Variants in KIF26B observed in about 807,000 individuals in gnomAD.
The protein encoded by KIF26B is kinesin family member 26B.
Under a neutral mutation model 151.2 loss-of-function variants are expected in KIF26B, and 63 were observed. That is an observed-to-expected ratio of 0.42 (90% CI 0.34 to 0.51). The LOEUF (loss-of-function observed/expected upper bound fraction) is 0.51, where lower values mean the gene tolerates loss of function less well. Ranked by LOEUF, KIF26B falls within the 20% of genes least tolerant of loss-of-function variation. KIF26B has a pLI of 0.07. For missense variants in KIF26B, 2,813 were observed against 2,913.6 expected (o/e 0.97, Z 0.79); for synonymous variants, 1,357 against 1,262.1 (o/e 1.08, Z -1.59).
At chr1:245,265,080 T>C (rs1043125032) in intron 2 of KIF26B, among the ~76,000 whole-genome samples, 9 of 151,354 alleles carry the variant, frequency 5.9e-5, no homozygotes, top group Admixed American at 1.3e-4. Context: ...CTGGCGCCTG[T>C]AGTCCCAGGT....
At chr1:245,561,928 G>A (rs35949929) in intron 5 of KIF26B, among the ~76,000 whole-genome samples, 20,100 of 152,166 alleles carry the variant, frequency 0.13, 1,762 homozygotes, top group Non-Finnish European at 0.19. Context: ...TCCATCCCAA[G>A]GCTCTTTACA....
intron 12 of KIF26B, among the ~76,000 whole-genome samples, chr1:245,695,109 C>T (rs1372991850): frequency 6.6e-6 from 1 of 152,174 alleles, no homozygotes; most frequent in Non-Finnish European, 1.5e-5. Context: ...CTGGCAGAGA[C>T]CGGGCTTGGC....
intron 2 of KIF26B, among the ~76,000 whole-genome samples, chr1:245,188,786 C>T (rs996389374): frequency 6.6e-6 from 1 of 152,196 alleles, no homozygotes; most frequent in Admixed American, 6.5e-5. Flanking sequence ...ACATTATTCA[C>T]AGTAGCCAAA....
Position 245,156,568 on chromosome 1 carries a change from G to A in KIF26B, c.350G>A (p.Gly117Asp), listed in dbSNP as rs1363951617. 1.0e-5 allele frequency: 16 copies of A among 1,531,530 alleles called. No individual in the cohort carries two copies. The highest frequency in any genetic ancestry group is 1.3e-5 in the Non-Finnish European group (15 of 1,145,480). 94.9% of individuals were successfully genotyped at this position (1,531,530 alleles called of 1,614,324 possible). A position where few individuals can be genotyped will look rare whatever the true frequency, so the allele number is the denominator to read the frequency against. The stretch of plus-strand genomic sequence containing the variant: ...GGCTCCCCGGGCTCCGGCAGCGGCG[G>A]CGGCTCCTCCCCCGGCTCGGACCGC... ...GTGSPGSGSG[G>D]GSSPGSDRGV... Residue 117 changes from glycine (G) to aspartate (D), a missense_variant, in exon 2 of 15, where the codon GGC becomes GAC. Gly to Asp is a moderately conservative substitution (Grantham distance 94). Around this residue, in one of 3 missense-constraint regions of KIF26B, gnomAD observed 676 missense variants for 688.1 expected, o/e 0.98. Coordinates refer to ENST00000407071, the MANE Select transcript of KIF26B (RefSeq NM_018012.4).
At chr1:245,258,034 G>A (rs914502710) in intron 2 of KIF26B, among the ~76,000 whole-genome samples, 2 of 151,618 alleles carry the variant, frequency 1.3e-5, no homozygotes, top group African/African-American at 4.9e-5. Flanking sequence ...AAAAAAAAAT[G>A]TTGCTCAGAA....
At chr1:245,639,318 T>A (rs1296175912) in intron 9 of KIF26B, among the ~76,000 whole-genome samples, 5 of 151,910 alleles carry the variant, frequency 3.3e-5, no homozygotes, top group Admixed American at 3.3e-4. Flanking sequence ...TCAGTTGTAA[T>A]GTCATCTTTT....
At chr1:245,257,267 T>C (rs1185973902) in intron 2 of KIF26B, among the ~76,000 whole-genome samples, 8 of 152,200 alleles carry the variant, frequency 5.3e-5, no homozygotes, top group African/African-American at 1.9e-4. Context: ...ATTGACCTCT[T>C]GTGTTTCCCT....
chr1:245,558,339 C>T (rs999669601), intron 5 of KIF26B, among the ~76,000 whole-genome samples: 11 of 151,774 alleles, frequency 7.2e-5, no homozygotes, highest in Non-Finnish European at 1.3e-4. Flanking sequence ...GCCCCCTTGA[C>T]TCCAGTGAGT....
Position 245,245,687 on chromosome 1 carries a change from C to G in KIF26B, c.465+89004C>G, listed in dbSNP as rs553980972. On this transcript the variant is annotated intron_variant, in intron 2 of 14. Transcript: ENST00000407071. Reference sequence around the variant, plus strand: ...GTGGCTCATGCCTGTAACCCCGGCACTTTGGGAGGCCGAGGCGGGTGGATC... The same window carrying G: ...GTGGCTCATGCCTGTAACCCCGGCAGTTTGGGAGGCCGAGGCGGGTGGATC... Among the ~76,000 whole-genome samples the G allele has an allele frequency of 2.6e-5, 4 of 152,208 alleles. No homozygotes were observed. In the South Asian group the frequency reaches 8.3e-4, roughly 32 times the overall value.
chr1:245,678,189 C>T (rs1202343578), intron 10 of KIF26B, among the ~76,000 whole-genome samples: 1 of 151,988 alleles, frequency 6.6e-6, no homozygotes, highest in Non-Finnish European at 1.5e-5. Flanking sequence ...TGGTTCTGTC[C>T]CCCTCTGGTG....
rs372767713 is a variant in KIF26B at position 245,583,799 on chromosome 1, T to A, written c.1351-18778T>A. 1.1e-3 allele frequency among the ~76,000 whole-genome samples: 170 copies of A among 152,344 alleles called. 2 individuals are homozygous for A. In the South Asian group the frequency reaches 0.031, roughly 28 times the overall value. Reference sequence around the variant, plus strand: ...CAGTGTTCGCTTACCCAACGAAGCATGACTTTGCATCTCCTCTACCCTGCC... The same window carrying A: ...CAGTGTTCGCTTACCCAACGAAGCAAGACTTTGCATCTCCTCTACCCTGCC... On this transcript the variant is annotated intron_variant, in intron 5 of 14. Transcript: ENST00000407071.
Position 245,270,156 on chromosome 1 carries a change from C to A in KIF26B, c.466-96678C>A, listed in dbSNP as rs1409553576. The stretch of plus-strand genomic sequence containing the variant: ...CCTTCTTTCCTTCCCTTCCTTCTTC[C>A]TTTCTCTTCCCTCCCTTCTTCCCTT... On this transcript the variant is annotated intron_variant, in intron 2 of 14. Transcript: ENST00000407071. 1.3e-5 allele frequency among the ~76,000 whole-genome samples: 2 copies of A among 150,098 alleles called. 1 individual carries two copies. Among genetic ancestry groups the A allele is most frequent in the East Asian group, 3.9e-4 (2 of 5,140 alleles).
chr1:245,573,791 A>G (rs1027203530), intron 5 of KIF26B, among the ~76,000 whole-genome samples: 1 of 152,110 alleles, frequency 6.6e-6, no homozygotes, highest in Non-Finnish European at 1.5e-5. Context: ...CGAGCCCTGT[A>G]TGTGCTGTTT....
chr1:245,549,763 G>C (rs1661832683), intron 5 of KIF26B, among the ~76,000 whole-genome samples: 2 of 151,252 alleles, frequency 1.3e-5, no homozygotes, highest in Non-Finnish European at 3.0e-5. Flanking sequence ...TTATTATGGA[G>C]GGGGAGAATA....
Position 245,611,933 on chromosome 1 carries a change from G to T in KIF26B, c.2055G>T (p.Leu685=), listed in dbSNP as rs555840141. Residue 685 remains leucine (L), a synonymous_variant, in exon 9 of 15, where the codon CTG becomes CTT. Transcript: ENST00000407071. The part of the protein sequence containing the change: ...DHRNSHVFFT[L]HIYQYRMEKS... The stretch of plus-strand genomic sequence containing the variant: ...GCAACTCACACGTGTTCTTCACACT[G>T]CACATCTACCAGTACCGGATGGAGA... 163 of 1,613,842 alleles carry T rather than the reference G, an allele frequency of 1.0e-4. No homozygotes were observed. The highest frequency in any genetic ancestry group is 1.3e-4 in the Non-Finnish European group (149 of 1,179,880).
intron 2 of KIF26B, among the ~76,000 whole-genome samples, chr1:245,168,855 T>C (rs1020818402): frequency 2.0e-5 from 3 of 152,180 alleles, no homozygotes; most frequent in Non-Finnish European, 4.4e-5. Context: ...GCCCGCTGAG[T>C]CAACGAGGCC....
At position 245,374,232 on chromosome 1, in the gene KIF26B, C is replaced by T. The variant is rs538951935; in HGVS notation, c.999+6865C>T. ...CTGCGGTGCATAACACTTGCTCCTC[C>T]GAGATCAGAAGCCCTGGGGGATCTT... On this transcript the variant is annotated intron_variant, in intron 3 of 14. Coordinates refer to ENST00000407071, the MANE Select transcript of KIF26B (RefSeq NM_018012.4). Among the ~76,000 whole-genome samples, 28 of 147,838 alleles carry T rather than the reference C, an allele frequency of 1.9e-4. No homozygotes were observed. In the South Asian group the frequency reaches 4.0e-3, roughly 21 times the overall value.
At chr1:245,386,996 A>G (rs1014008122) in intron 3 of KIF26B, among the ~76,000 whole-genome samples, 1 of 152,172 alleles carries the variant, frequency 6.6e-6, no homozygotes, top group Non-Finnish European at 1.5e-5. Context: ...GGGAGCAGAG[A>G]TGAAGGCCAG....
At chr1:245,231,525 T>G (rs923062922) in intron 2 of KIF26B, among the ~76,000 whole-genome samples, 1 of 151,886 alleles carries the variant, frequency 6.6e-6, no homozygotes, top group African/African-American at 2.4e-5. Context: ...AAAAGAAAAA[T>G]AAATAAAACT....
Sources: gnomAD v4.1 joint callset for allele counts (sites outside exome capture counted in the v4.1 genomes callset) on GRCh38, gnomAD v4.1.1 for gene constraint, gnomAD v4.1.1 regional missense constraint, MANE v1.5 for transcripts, NCBI Gene and HGNC (gene_info 2026-07-23, HGNC 2026-07-21) for gene names.